The following ZMYM2 variants were observed in gnomAD, a reference collection of about 807,000 sequenced individuals.
The protein encoded by ZMYM2 is zinc finger MYM-type containing 2.
Under a neutral mutation model 162.8 loss-of-function variants are expected in ZMYM2, and 56 were observed. The observed-to-expected ratio is 0.34, with a 90% CI of 0.28 to 0.43. ZMYM2 has a LOEUF of 0.43. ZMYM2 is among the 20% of genes least tolerant of loss of function. The probability of loss-of-function intolerance (pLI) is 1.00; values close to 1 mark genes in which losing one functional copy is unlikely to be tolerated. For synonymous variants in ZMYM2, 510 were observed against 541.6 expected, an observed-to-expected ratio of 0.94 and a Z score of 0.81; for missense variants, 1,275 against 1,621.8, an observed-to-expected ratio of 0.79 and a Z score of 3.67.
the ZMYM2 span, among the ~76,000 whole-genome samples, chr13:19,921,895 G>A: frequency 6.8e-6 from 1 of 147,316 alleles, no homozygotes; most frequent in Non-Finnish European, 1.5e-5. Context: ...ACACGCTGAT[G>A]AGCAGCAGTT....
the ZMYM2 span, among the ~76,000 whole-genome samples, chr13:19,951,989 T>C: frequency 0.88 from 134,591 of 152,118 alleles, 60,422 homozygotes; most frequent in East Asian, 0.99. Context: ...TATATGTAAG[T>C]GTCCATCAAC....
At chr13:19,983,547 T>C (rs1480408990) in intron 2 of ZMYM2, among the ~76,000 whole-genome samples, 1 of 152,204 alleles carries the variant, frequency 6.6e-6, no homozygotes, top group Non-Finnish European at 1.5e-5. Flanking sequence ...TCTTGTCTTA[T>C]TCTTGACTTT....
chr13:19,968,406 C>T (rs115136684), intron 2 of ZMYM2, among the ~76,000 whole-genome samples: 2,145 of 152,160 alleles, frequency 0.014, 42 homozygotes, highest in African/African-American at 0.048. Flanking sequence ...ATTACAGGTG[C>T]GCGCCACTGT....
chr13:19,934,672 A>G, the ZMYM2 span, among the ~76,000 whole-genome samples: 1 of 152,058 alleles, frequency 6.6e-6, no homozygotes, highest in Non-Finnish European at 1.5e-5. Context: ...AATGTTTACT[A>G]AGGTGTCAAA....
At chr13:19,931,436 G>C in the ZMYM2 span, among the ~76,000 whole-genome samples, 2 of 151,894 alleles carry the variant, frequency 1.3e-5, no homozygotes, top group African/African-American at 4.8e-5. Flanking sequence ...ATTGATTTTG[G>C]ATTTCACCGT....
chr13:19,884,095 G>A, the ZMYM2 span, among the ~76,000 whole-genome samples: 1 of 152,136 alleles, frequency 6.6e-6, no homozygotes, highest in Non-Finnish European at 1.5e-5. Context: ...TTTCTGCAGG[G>A]TAAACTGGCA....
Position 20,019,113 on chromosome 13 carries a change from A to G in ZMYM2, c.1513-434A>G, listed in dbSNP as rs374600649. Among the ~76,000 whole-genome samples the G allele has an allele frequency of 1.1e-3, 168 of 152,062 alleles. 1 individual carries two copies. In the Middle Eastern group the frequency reaches 0.017, roughly 15 times the overall value. On this transcript the variant is annotated intron_variant, in intron 6 of 24. Transcript: ENST00000610343. Reference sequence around the variant, plus strand: ...AAAAAACAACAACAACAACAAAAAAAAACAATTTCTCAATCCATTTTGCAT... The same window carrying G: ...AAAAAACAACAACAACAACAAAAAAGAACAATTTCTCAATCCATTTTGCAT...
chr13:19,976,748 T>A (rs1390198395), intron 2 of ZMYM2, among the ~76,000 whole-genome samples: 3 of 152,236 alleles, frequency 2.0e-5, no homozygotes, highest in African/African-American at 7.2e-5. Context: ...TTTCTTCCTT[T>A]TAGAAGTCTA....
At chr13:20,047,688 T>C (rs1198927038) in intron 12 of ZMYM2, among the ~76,000 whole-genome samples, 1 of 152,138 alleles carries the variant, frequency 6.6e-6, no homozygotes, top group East Asian at 1.9e-4. Flanking sequence ...GCTTTAAAAA[T>C]TGTTTTACTT....
chr13:19,898,763 A>G, the ZMYM2 span, among the ~76,000 whole-genome samples: 2 of 145,586 alleles, frequency 1.4e-5, no homozygotes, highest in Admixed American at 6.8e-5. Flanking sequence ...CTGTCTCTAC[A>G]AAAATAAAAA....
chr13:19,992,436 G>A (rs910412509), intron 2 of ZMYM2, among the ~76,000 whole-genome samples: 2 of 151,972 alleles, frequency 1.3e-5, no homozygotes, highest in South Asian at 2.1e-4. Flanking sequence ...GTGTGGTGGC[G>A]ATGGCCTGTA....
chr13:20,006,639 G>A, intron 6 of ZMYM2, 53 bp downstream of exon 6: 4 of 1,517,276 alleles, frequency 2.6e-6, no homozygotes, highest in Non-Finnish European at 3.6e-6. Context: ...TCTTGAAAGT[G>A]TTGTAATACT....
intron 2 of ZMYM2, among the ~76,000 whole-genome samples, chr13:19,979,800 G>A (rs1957147248): frequency 6.6e-6 from 1 of 152,196 alleles, no homozygotes; most frequent in South Asian, 2.1e-4. Context: ...ACTTATGAAT[G>A]ATCACCAGCG....
chr13:20,029,092 A>G (rs1046284440), intron 9 of ZMYM2, among the ~76,000 whole-genome samples: 10 of 152,254 alleles, frequency 6.6e-5, no homozygotes, highest in East Asian at 1.9e-4. Context: ...TCAGACTGCT[A>G]TTACAGAATA....
chr13:20,057,688 TTTA>T (rs1157651779), intron 14 of ZMYM2, among the ~76,000 whole-genome samples: 14 of 152,340 alleles, frequency 9.2e-5, no homozygotes, highest in African/African-American at 1.4e-4. Context: ...GAAATATTGT[TTTA>T]TTATTAAAAA....
chr13:20,085,812 G>T lies in ZMYM2; in HGVS notation c.3942-10G>T. The T allele has an allele frequency of 6.4e-7, 1 of 1,564,070 alleles. No individual in the cohort carries two copies. The highest frequency in any genetic ancestry group is 2.1e-5 in the Admixed American group (1 of 48,650). The stretch of plus-strand genomic sequence containing the variant: ...ATTGACTTTTTCTCTTTTTCCTCCC[G>T]CCTCCAAAGTCCACAGAATCTTAAT... On this transcript the variant is annotated splice_polypyrimidine_tract_variant and intron_variant, in intron 24 of 24. Transcript: ENST00000610343.
chr13:19,948,691 T>C, the ZMYM2 span, among the ~76,000 whole-genome samples: 5 of 152,130 alleles, frequency 3.3e-5, no homozygotes, highest in African/African-American at 1.2e-4. Flanking sequence ...CTTTGAGTAA[T>C]AATAATGTGT....
At chr13:19,957,117 T>C (rs761229313), upstream of ZMYM2, among the ~76,000 whole-genome samples, 15 of 152,328 alleles carry the variant, frequency 9.8e-5, no homozygotes, top group Admixed American at 2.0e-4. Context: ...TCAAGGTATT[T>C]AGTACAAGGT....
At chr13:19,900,238 G>T in the ZMYM2 span, among the ~76,000 whole-genome samples, 1 of 152,192 alleles carries the variant, frequency 6.6e-6, no homozygotes, top group African/African-American at 2.4e-5. Context: ...GGCGGAGGTT[G>T]CAGTGAGCCA....
Sources: gnomAD v4.1 joint callset for allele counts (sites outside exome capture counted in the v4.1 genomes callset) on GRCh38, gnomAD v4.1.1 for gene constraint, MANE v1.5 for transcripts, NCBI Gene and HGNC (gene_info 2026-07-23, HGNC 2026-07-21) for gene names.